The following HMGCLL1 variants were observed in gnomAD, a reference collection of about 807,000 sequenced individuals.
The protein encoded by HMGCLL1 is 3-hydroxy-3-methylglutaryl-CoA lyase like 1, also known as 3-hydroxymethyl-3-methylglutaryl-CoA lyase, cytoplasmic.
A neutral mutation model predicts 39.1 loss-of-function variants in HMGCLL1; 36 were observed. The ratio of observed to expected loss-of-function variants is 0.92; its 90% CI spans 0.71 to 1.22. The LOEUF is 1.22. HMGCLL1 is among the 50% of genes most tolerant of loss of function. The pLI, the probability that HMGCLL1 is intolerant of heterozygous loss-of-function variation, is 0.00. For synonymous variants in HMGCLL1, 149 were observed against 144.0 expected, an observed-to-expected ratio of 1.03 and a Z score of -0.25; for missense variants, 451 against 416.5, an observed-to-expected ratio of 1.08 and a Z score of -0.72.
the HMGCLL1 span, among the ~76,000 whole-genome samples, chr6:55,657,218 G>A: frequency 6.6e-6 from 1 of 151,930 alleles, no homozygotes; most frequent in African/African-American, 2.4e-5. Context: ...ATCCCATTTT[G>A]TCAATTTTTG....
At chr6:55,475,218 A>C (rs72970084) in intron 7 of HMGCLL1, among the ~76,000 whole-genome samples, 4 of 151,540 alleles carry the variant, frequency 2.6e-5, no homozygotes, top group African/African-American at 7.3e-5. Flanking sequence ...TTTGTAATGA[A>C]GAATATTCTG....
chr6:55,525,104 G>A (rs1447416343), intron 3 of HMGCLL1, among the ~76,000 whole-genome samples: 1 of 151,668 alleles, frequency 6.6e-6, no homozygotes, highest in African/African-American at 2.4e-5. Context: ...ATCATTCAAA[G>A]ACAGCTCTGC....
At chr6:55,455,756 A>C (rs1309213441) in intron 7 of HMGCLL1, among the ~76,000 whole-genome samples, 1 of 152,330 alleles carries the variant, frequency 6.6e-6, no homozygotes, top group Non-Finnish European at 1.5e-5. Flanking sequence ...TTTCAAAATA[A>C]TGATAGCCTT....
the HMGCLL1 span, among the ~76,000 whole-genome samples, chr6:55,586,695 T>C: frequency 6.6e-6 from 1 of 151,980 alleles, no homozygotes; most frequent in Non-Finnish European, 1.5e-5. Context: ...GGTTTCCAGT[T>C]TCATCCATGT....
upstream of HMGCLL1, chr6:55,579,254 G>C: frequency 1.7e-6 from 1 of 593,408 alleles, no homozygotes; most frequent in Non-Finnish European, 3.0e-6. Flanking sequence ...GCCTGGGGCA[G>C]CGGGTGCACG....
chr6:55,485,346 C>G (rs1192014131), intron 7 of HMGCLL1, among the ~76,000 whole-genome samples: 5 of 151,804 alleles, frequency 3.3e-5, no homozygotes, highest in African/African-American at 1.2e-4. Flanking sequence ...ATCATCTGTA[C>G]TCCCCTGCCA....
chr6:55,587,202 G>C, the HMGCLL1 span, among the ~76,000 whole-genome samples: 2 of 152,114 alleles, frequency 1.3e-5, no homozygotes, highest in African/African-American at 4.8e-5. Context: ...CTTTTGAAAA[G>C]TGTCTGTTCA....
At chr6:55,636,915 A>G in the HMGCLL1 span, among the ~76,000 whole-genome samples, 1 of 152,186 alleles carries the variant, frequency 6.6e-6, no homozygotes, top group Non-Finnish European at 1.5e-5. Context: ...GGCTTCCTGC[A>G]GTGATATAAC....
the HMGCLL1 span, among the ~76,000 whole-genome samples, chr6:55,664,382 A>G: frequency 1.3e-5 from 2 of 151,714 alleles, no homozygotes; most frequent in Non-Finnish European, 2.9e-5. Flanking sequence ...CTGCCTCAGC[A>G]TTTGCTGATC....
At chr6:55,616,286 T>C in the HMGCLL1 span, among the ~76,000 whole-genome samples, 2 of 152,094 alleles carry the variant, frequency 1.3e-5, no homozygotes, top group African/African-American at 4.8e-5. Flanking sequence ...CTTGATCTCT[T>C]GATCTCTTGG....
At chr6:55,499,199 G>A (rs753867863) in intron 6 of HMGCLL1, 37 bp downstream of exon 6, 5 of 1,512,716 alleles carry the variant, frequency 3.3e-6, no homozygotes, top group East Asian at 4.5e-5. Flanking sequence ...TATATATCAT[G>A]TTACCATAAA....
chr6:55,664,045 A>T, the HMGCLL1 span, among the ~76,000 whole-genome samples: 2 of 151,032 alleles, frequency 1.3e-5, no homozygotes, highest in Non-Finnish European at 3.0e-5. Flanking sequence ...TTATTTCTTT[A>T]TTTTGAGCTT....
chr6:55,594,731 C>T, the HMGCLL1 span, among the ~76,000 whole-genome samples: 1 of 152,234 alleles, frequency 6.6e-6, no homozygotes, highest in Non-Finnish European at 1.5e-5. Flanking sequence ...TGTCCTGTTG[C>T]CCTGATGGTC....
rs570836545 is a variant in HMGCLL1 at position 55,439,469 on chromosome 6, A to C, written c.886T>G (p.Leu296Val). The C allele has an allele frequency of 1.2e-6, 2 of 1,612,804 alleles. No homozygotes were observed. The highest frequency in any genetic ancestry group is 1.7e-6 in the Non-Finnish European group (2 of 1,179,132). Residue 296 changes from leucine (L) to valine (V), a missense_variant, in exon 8 of 9, where the codon TTG becomes GTG. Coordinates refer to ENST00000274901, the MANE Select transcript of HMGCLL1 (RefSeq NM_001042406.2). Reference sequence around the variant, plus strand: ...CCCAGGCCATTAAGCATATATATCAAATCCTCAGTGGCTACATTCCCAGAA... The same window carrying C: ...CCCAGGCCATTAAGCATATATATCACATCCTCAGTGGCTACATTCCCAGAA... ...GASGNVATED[L>V]IYMLNGLGLN...
chr6:55,570,942 G>C (rs577533596), intron 1 of HMGCLL1, among the ~76,000 whole-genome samples: 2 of 152,302 alleles, frequency 1.3e-5, no homozygotes, highest in South Asian at 4.1e-4. Flanking sequence ...AGGCGAGAGA[G>C]AATGAGAGCC....
the HMGCLL1 span, among the ~76,000 whole-genome samples, chr6:55,676,884 C>T: frequency 1.1e-4 from 16 of 152,266 alleles, no homozygotes; most frequent in African/African-American, 3.1e-4. Context: ...TTCCCGCATG[C>T]GGGGAAAAAT....
intron 7 of HMGCLL1, among the ~76,000 whole-genome samples, chr6:55,451,109 G>C (rs1286221004): frequency 6.6e-6 from 1 of 152,070 alleles, no homozygotes; most frequent in Non-Finnish European, 1.5e-5. Flanking sequence ...AATGGTTATG[G>C]GGAAGAGAAG....
chr6:55,434,387 T>G lies in HMGCLL1; in HGVS notation c.*1275A>C, dbSNP rs1272396447. 6.6e-6 allele frequency: 1 copy of G among 152,104 alleles called. No homozygotes were observed. The highest frequency in any genetic ancestry group is 1.5e-5 in the Non-Finnish European group (1 of 68,006). 9.4% of individuals were successfully genotyped at this position (152,104 alleles called of 1,614,324 possible). On this transcript the variant is annotated 3_prime_UTR_variant, in exon 9 of 9. Transcript: ENST00000274901. ...ATCAGTACTTCTTACTTTCTTGAAT[T>G]TATTTTTATTTCAATGGTTTTAATG...
rs757570289 is a variant in HMGCLL1, at chr6:55,495,501, T to C, written c.713A>G (p.Lys238Arg). Residue 238 changes from lysine (K) to arginine (R), a missense_variant, in exon 7 of 9, where the codon AAA (lysine) becomes AGA (arginine). By Grantham distance (26) the Lys-to-Arg change is conservative. Transcript: ENST00000274901. ...SMKRMLESVMKEIPPGALAVH... is the reference protein window; with the variant it reads ...SMKRMLESVMREIPPGALAVH... ...AGCAAGAGCACCTGGTGGGATTTCT[T>C]TCATCACACTTTCCAACATTCTTTT... 1 of 1,614,022 alleles carries C rather than the reference T, an allele frequency of 6.2e-7. No individual in the cohort carries two copies. Among genetic ancestry groups the C allele is most frequent in the Non-Finnish European group, 8.5e-7 (1 of 1,179,922 alleles).
Sources: allele counts gnomAD v4.1 joint callset (sites outside exome capture counted in the v4.1 genomes callset), GRCh38; gene constraint gnomAD v4.1.1; transcripts MANE v1.5; gene names NCBI Gene and HGNC (gene_info 2026-07-23, HGNC 2026-07-21).